PLAU: variants seen among roughly 807,000 people sequenced by gnomAD.
PLAU encodes plasminogen activator, urokinase, also known as urokinase-type plasminogen activator.
A neutral mutation model predicts 48.9 loss-of-function variants in PLAU; 32 were observed. That is an observed-to-expected ratio of 0.65 (90% CI 0.49 to 0.88). The LOEUF is 0.88. Ranked by LOEUF, PLAU falls within the 40% of genes least tolerant of loss-of-function variation. The pLI is 0.00. For missense variants in PLAU, 455 were observed against 545.2 expected (o/e 0.83, Z 1.65); for synonymous variants, 199 against 205.7 (o/e 0.97, Z 0.28).
At position 73,913,682 on chromosome 10, in the gene PLAU, G is replaced by C. The variant is rs1200019190; in HGVS notation, c.604G>C (p.Gly202Arg). The part of the protein sequence containing the change: ...WFAAIYRRHR[G>R]GSVTYVCGGS... ...TGCGGCCATCTACAGGAGGCACCGG[G>C]GGGGCTCTGTCACCTACGTGTGTGG... The change falls in exon 7 of 11, where the codon GGG (glycine) becomes CGG (arginine). Residue 202 changes from glycine (G) to arginine (R), a missense_variant. Transcript: ENST00000372764. 1 of 1,613,640 alleles carries C rather than the reference G, an allele frequency of 6.2e-7. No individual in the cohort carries two copies. The highest frequency in any genetic ancestry group is 1.7e-5 in the Admixed American group (1 of 59,938).
Position 73,912,326 on chromosome 10 carries a change from TG to T in PLAU, c.193+8del. The T allele has an allele frequency of 3.0e-6, 4 of 1,340,800 alleles. No individual in the cohort carries two copies. The highest frequency in any genetic ancestry group is 4.0e-6 in the Non-Finnish European group (4 of 1,004,024). 83.1% of individuals were successfully genotyped at this position (1,340,800 alleles called of 1,614,324 possible). ...GGAGGGCAGCACTGTGAAATAGGTATGGGGATCTCCACTGCAACTGGGAGAG... is the reference window on the plus strand; with the variant it reads ...GGAGGGCAGCACTGTGAAATAGGTATGGGATCTCCACTGCAACTGGGAGAG... On this transcript the variant is annotated splice_donor_5th_base_variant and intron_variant, in intron 4 of 10. Coordinates refer to ENST00000372764, the MANE Select transcript of PLAU (RefSeq NM_002658.6).
chr10:73,916,713 C>G lies in PLAU; in HGVS notation c.*148C>G. The G allele has an allele frequency of 3.0e-6, 2 of 664,648 alleles. No homozygotes were observed. Among genetic ancestry groups the G allele is most frequent in the Non-Finnish European group, 5.1e-6 (2 of 394,548 alleles). 41.2% of individuals were successfully genotyped at this position (664,648 alleles called of 1,614,324 possible). ...CTGTGCCACCCACCAGGGCGAACGACAATAGCTTTACCCTCAGGCATAGGC... is the reference window on the plus strand; with the variant it reads ...CTGTGCCACCCACCAGGGCGAACGAGAATAGCTTTACCCTCAGGCATAGGC... On this transcript the variant is annotated 3_prime_UTR_variant, in exon 11 of 11. Coordinates refer to ENST00000372764, the MANE Select transcript of PLAU (RefSeq NM_002658.6).
chr10:73,915,232 C>T lies in PLAU; in HGVS notation c.971-19C>T, dbSNP rs375166723. Reference sequence around the variant, plus strand: ...CAGATAAATCTTGATGCAAACGCCTCCCTGTTTTCTCCACCTAGCCGACTA... The same window carrying T: ...CAGATAAATCTTGATGCAAACGCCTTCCTGTTTTCTCCACCTAGCCGACTA... On this transcript the variant is annotated intron_variant, in intron 9 of 10. Coordinates refer to ENST00000372764, the MANE Select transcript of PLAU (RefSeq NM_002658.6). 3.2e-5 allele frequency: 52 copies of T among 1,604,186 alleles called. No homozygotes were observed. The East Asian group carries it at 4.0e-4, about 12-fold the overall frequency.
At chr10:73,911,493 G>T (rs1306636874) in intron 1 of PLAU, 32 bp from the exon 2 acceptor site, 4 of 1,584,622 alleles carry the variant, frequency 2.5e-6, no homozygotes, top group Non-Finnish European at 3.4e-6. Flanking sequence ...CCGTTCCTCC[G>T]CCTCTTGCCC....
At chr10:73,911,483 C>A in intron 1 of PLAU, 42 bp from the exon 2 acceptor site, 1 of 1,569,116 alleles carries the variant, frequency 6.4e-7, no homozygotes, top group Non-Finnish European at 8.6e-7. Flanking sequence ...GCCTGCCTTC[C>A]CGTTCCTCCG....
At chr10:73,913,918 G>A (rs542883509) in intron 7 of PLAU, 62 bp from the exon 8 acceptor site, 21 of 1,540,636 alleles carry the variant, frequency 1.4e-5, no homozygotes, top group Non-Finnish European at 1.7e-5. Flanking sequence ...CCTCTAGGGA[G>A]GGAAGGAAGA....
intron 5 of PLAU, 87 bp downstream of exon 5, chr10:73,913,185 A>G: frequency 1.9e-6 from 3 of 1,576,048 alleles, no homozygotes; most frequent in South Asian, 1.1e-5. Flanking sequence ...AGGGCTGGCC[A>G]TAGCACAAGA....
chr10:73,911,929 A>G, intron 2 of PLAU, 112 bp from the exon 3 acceptor site: 1 of 1,605,554 alleles, frequency 6.2e-7, no homozygotes, highest in Non-Finnish European at 8.5e-7. Flanking sequence ...GAACAGGGTG[A>G]GGCGAGAGGG....
intron 1 of PLAU, 88 bp from the exon 2 acceptor site, chr10:73,911,437 C>G: frequency 7.6e-7 from 1 of 1,323,228 alleles, no homozygotes; most frequent in South Asian, 1.3e-5. Context: ...GCCTGGTCAC[C>G]GCGGGCATCT....
At position 73,917,216 on chromosome 10, in the gene PLAU, G is replaced by A. The variant is rs1457257922; in HGVS notation, c.*651G>A. On this transcript the variant is annotated 3_prime_UTR_variant, in exon 11 of 11. Coordinates refer to ENST00000372764, the MANE Select transcript of PLAU (RefSeq NM_002658.6). The stretch of plus-strand genomic sequence containing the variant: ...CCACACAGAGTGGTCTTTCTGGAGA[G>A]GTTATAGGTCACTCCTGGGGCCTCT... The A allele has an allele frequency of 6.5e-6, 1 of 152,772 alleles. No individual in the cohort carries two copies. Among genetic ancestry groups the A allele is most frequent in the African/African-American group, 2.4e-5 (1 of 41,434 alleles). 9.5% of individuals were successfully genotyped at this position (152,772 alleles called of 1,614,324 possible).
At position 73,913,975 on chromosome 10, in the gene PLAU, C is replaced by T; in HGVS notation, c.681-5C>T. On this transcript the variant is annotated splice_region_variant and splice_polypyrimidine_tract_variant and intron_variant, in intron 7 of 10. Transcript: ENST00000372764. ...AAGCTGTTTGATGGGTATCTTCTCC[C>T]ACAGTGATTACCCAAAGAAGGAGGA... 1 of 1,612,562 alleles carries T rather than the reference C, an allele frequency of 6.2e-7. No homozygotes were observed. Among genetic ancestry groups the T allele is most frequent in the Non-Finnish European group, 8.5e-7 (1 of 1,178,566 alleles).
chr10:73,909,572 C>T (rs1470419600), upstream of PLAU, among the ~76,000 whole-genome samples: 6 of 152,178 alleles, frequency 3.9e-5, no homozygotes, highest in Non-Finnish European at 7.3e-5. Flanking sequence ...CCTGAGCCCT[C>T]GGCTGGGGCA....
At chr10:73,911,283 C>G in intron 1 of PLAU, 65 bp downstream of exon 1, 1 of 526,264 alleles carries the variant, frequency 1.9e-6, no homozygotes, top group Non-Finnish European at 3.3e-6. Flanking sequence ...CGAGCGTCTG[C>G]CTCCCCCGCC....
chr10:73,911,715 C>T lies in PLAU; in HGVS notation c.57+103C>T, dbSNP rs2227556. 360 of 1,563,804 alleles carry T rather than the reference C, an allele frequency of 2.3e-4. 1 individual carries two copies. The African/African-American group carries it at 4.3e-3, about 19-fold the overall frequency. On this transcript the variant is annotated intron_variant, in intron 2 of 10. Transcript: ENST00000372764. ...GAGCTGGGGTCCTCCGGATTCCATCCACAGCAGGGCCAGACTCTCCCCAGG... is the reference window on the plus strand; with the variant it reads ...GAGCTGGGGTCCTCCGGATTCCATCTACAGCAGGGCCAGACTCTCCCCAGG...
In PLAU at chr10:73,915,364, G is replaced by A; in HGVS notation, c.1084G>A (p.Ala362Thr). 1 of 1,612,650 alleles carries A rather than the reference G, an allele frequency of 6.2e-7. No homozygotes were observed. The part of the protein sequence containing the change: ...GSEVTTKMLC[A>T]ADPQWKTDSC... ...TGAAGTCACCACCAAAATGCTGTGT[G>A]CTGCTGACCCACAGTGGAAAACAGA... Residue 362 changes from alanine to threonine, a missense_variant, in exon 10 of 11, where the codon GCT becomes ACT. Ala to Thr is a moderately conservative substitution (Grantham distance 58). Transcript: ENST00000372764.
intron 4 of PLAU, 55 bp from the exon 5 acceptor site, chr10:73,912,865 AAGTT>A (rs1016665467): frequency 7.1e-7 from 1 of 1,414,722 alleles, no homozygotes; most frequent in African/African-American, 1.4e-5. Flanking sequence ...AAAAAAATAA[AAGTT>A]AGTTGGAATG....
chr10:73,911,383 C>A, intron 1 of PLAU, 142 bp from the exon 2 acceptor site: 1 of 912,772 alleles, frequency 1.1e-6, no homozygotes, highest in Non-Finnish European at 1.7e-6. Flanking sequence ...CCGATCCAGG[C>A]TGCCCGGAGT....
chr10:73,916,311 T>C, intron 10 of PLAU, 78 bp from the exon 11 acceptor site: 1 of 1,288,980 alleles, frequency 7.8e-7, no homozygotes, highest in Non-Finnish European at 1.1e-6. Flanking sequence ...TCCCTCTCTC[T>C]GGTATGGTTG....
At chr10:73,915,479 G>A in intron 10 of PLAU, 80 bp downstream of exon 10, 1 of 1,380,036 alleles carries the variant, frequency 7.2e-7, no homozygotes, top group Non-Finnish European at 9.8e-7. Context: ...GCTTAAGGGT[G>A]TCTCTCTCTA....
Sources: allele counts gnomAD v4.1 joint callset (sites outside exome capture counted in the v4.1 genomes callset), GRCh38; gene constraint gnomAD v4.1.1; transcripts MANE v1.5; gene names NCBI Gene and HGNC (gene_info 2026-07-23, HGNC 2026-07-21).